ABR: variants seen among roughly 807,000 people sequenced by gnomAD.
ABR encodes ABR activator of RhoGEF and GTPase, also known as active breakpoint cluster region-related protein.
A neutral mutation model predicts 107.2 loss-of-function variants in ABR; 35 were observed. That is an observed-to-expected ratio of 0.33 (90% CI 0.25 to 0.43). The LOEUF (loss-of-function observed/expected upper bound fraction) is 0.43, where lower values mean the gene tolerates loss of function less well. ABR is among the 20% of genes least tolerant of loss of function. The pLI is 1.00. For synonymous variants in ABR, 498 were observed against 462.0 expected (o/e 1.08, Z -1.00); for missense variants, 815 against 1,115.2 (o/e 0.73, Z 3.83).
chr17:1,225,010 G>A (rs755433591), intron 1 of ABR, among the ~76,000 whole-genome samples: 5 of 151,886 alleles, frequency 3.3e-5, no homozygotes, highest in South Asian at 2.1e-4. Context: ...TTAGACAGGC[G>A]TGGTGGCGGG....
chr17:1,035,914 T>A (rs2073151969), intron 16 of ABR, among the ~76,000 whole-genome samples: 2 of 150,406 alleles, frequency 1.3e-5, no homozygotes, highest in African/African-American at 4.9e-5. Context: ...CGGGTTAAGG[T>A]GTTCAGTGGC....
chr17:1,125,563 C>A (rs2039562057), intron 1 of ABR, 196 bp from the exon 2 acceptor site: 1 of 408,070 alleles, frequency 2.5e-6, no homozygotes. Flanking sequence ...CCGGGCCCTG[C>A]CCGCTCCGGG....
chr17:1,174,892 G>A (rs2041865418), intron 1 of ABR, among the ~76,000 whole-genome samples: 1 of 152,102 alleles, frequency 6.6e-6, no homozygotes, highest in African/African-American at 2.4e-5. Context: ...CAACCTGCCT[G>A]GGGCACACGT....
At chr17:1,121,676 T>TC (rs1276336771) in intron 2 of ABR, among the ~76,000 whole-genome samples, 2 of 138,978 alleles carry the variant, frequency 1.4e-5, no homozygotes, top group African/African-American at 5.7e-5. Context: ...GGGAGCTGAG[T>TC]CCCCCAGGCA....
intron 16 of ABR, chr17:1,031,787 G>T (rs2072798218): frequency 8.2e-7 from 1 of 1,223,742 alleles, no homozygotes; most frequent in African/African-American, 1.6e-5. Context: ...CGCCTGTGGA[G>T]CGCTCAGTCC....
At chr17:1,135,386 T>TTC (rs2040017751) in intron 1 of ABR, among the ~76,000 whole-genome samples, 1 of 150,554 alleles carries the variant, frequency 6.6e-6, no homozygotes, top group South Asian at 2.1e-4. Flanking sequence ...TCTTTTTTTT[T>TTC]TTTTTTTGAG....
intron 21 of ABR, among the ~76,000 whole-genome samples, chr17:1,009,136 C>T (rs985698913): frequency 6.6e-6 from 1 of 152,126 alleles, no homozygotes; most frequent in Non-Finnish European, 1.5e-5. Context: ...GCACCTGCAT[C>T]AAGGCTTACA....
In ABR at chr17:1,010,914, G is replaced by A. The variant is rs201151167; in HGVS notation, c.2102-51C>T. On this transcript the variant is annotated intron_variant, in intron 19 of 22. Transcript: ENST00000302538. The surrounding 1 kb of genome is among the most constrained non-coding windows in gnomAD (Gnocchi z 4.1). ...CAGCCTTAGCTGGGCCAGCAGCCCC[G>A]TTCCACCCCCGACCCATCCTGACAC... 2.4e-5 allele frequency: 39 copies of A among 1,606,378 alleles called. No individual in the cohort carries two copies. The highest frequency in any genetic ancestry group is 1.2e-4 in the Admixed American group (7 of 59,902).
intron 1 of ABR, among the ~76,000 whole-genome samples, chr17:1,160,462 C>G (rs2041245322): frequency 6.6e-6 from 1 of 152,186 alleles, no homozygotes; most frequent in African/African-American, 2.4e-5. Flanking sequence ...TTCATGCAAC[C>G]AGCATTGACA....
At chr17:1,160,007 G>A (rs1157355119) in intron 1 of ABR, among the ~76,000 whole-genome samples, 1 of 152,162 alleles carries the variant, frequency 6.6e-6, no homozygotes, top group Non-Finnish European at 1.5e-5. Flanking sequence ...GTGCCTTCTG[G>A]AGGGAACAGG....
chr17:1,098,075 CTT>C (rs71372509), intron 3 of ABR, among the ~76,000 whole-genome samples: 49 of 140,584 alleles, frequency 3.5e-4, no homozygotes, highest in East Asian at 6.2e-4. Flanking sequence ...GTTTTCTTTT[CTT>C]TTTTTTTTTT....
chr17:1,152,814 C>T (rs2040853390), intron 1 of ABR, among the ~76,000 whole-genome samples: 1 of 151,530 alleles, frequency 6.6e-6, no homozygotes, highest in African/African-American at 2.4e-5. Context: ...CTGACACAGG[C>T]CGGGCGCGGT....
intron 21 of ABR, among the ~76,000 whole-genome samples, chr17:1,008,623 G>A (rs1273883089): frequency 1.3e-5 from 2 of 152,328 alleles, no homozygotes; most frequent in Non-Finnish European, 2.9e-5. Context: ...TTCATGATGG[G>A]AAAAACAAGA....
rs1395813958 is a variant in ABR, at chr17:1,050,119, A to G, written c.1722T>C (p.Tyr574=). 1.9e-6 allele frequency: 3 copies of G among 1,613,986 alleles called. No homozygotes were observed. The African/African-American group carries it at 4.0e-5, about 22-fold the overall frequency. ...TGTCCTTGTTGACCTTGGTCTTGTC[A>G]TAGCACTTCTCATAGCACAGGATCC... The part of the protein sequence containing the change: ...SLRILCYEKC[Y]DKTKVNKDNN... The change falls in exon 16 of 23, where the codon TAT becomes TAC. Residue 574 remains tyrosine, a synonymous_variant. Coordinates refer to ENST00000302538, the MANE Select transcript of ABR (RefSeq NM_021962.5). This position sits in a 1 kb window ranked among gnomAD's most constrained non-coding sequence, Gnocchi z 4.6.
intron 1 of ABR, among the ~76,000 whole-genome samples, chr17:1,126,752 C>A (rs2039621218): frequency 6.6e-6 from 1 of 152,194 alleles, no homozygotes; most frequent in South Asian, 2.1e-4. Context: ...CCCCCTGGCA[C>A]CTTAGTGAAT....
chr17:1,039,842 A>G (rs1232728187), intron 16 of ABR, among the ~76,000 whole-genome samples: 2 of 151,854 alleles, frequency 1.3e-5, no homozygotes, highest in Non-Finnish European at 2.9e-5. Context: ...CCTGACATGC[A>G]CTCCTGGCCT....
In ABR at chr17:1,072,695, G is replaced by A. The variant is rs746518355; in HGVS notation, c.813C>T (p.Leu271=). Residue 271 remains leucine (L), a synonymous_variant, in exon 8 of 23, where the codon CTC becomes CTT. Transcript: ENST00000302538. ...TGGACAGGAAGTTCTGGGAGATGCGGAGGGCATCCTGCAGCAGCGGGTAGT... is the reference window on the plus strand; with the variant it reads ...TGGACAGGAAGTTCTGGGAGATGCGAAGGGCATCCTGCAGCAGCGGGTAGT... The part of the protein sequence containing the change: ...HPDYPLLQDA[L]RISQNFLSSI... 1.7e-5 allele frequency: 27 copies of A among 1,613,692 alleles called. No individual in the cohort carries two copies. The highest frequency in any genetic ancestry group is 2.3e-5 in the Non-Finnish European group (27 of 1,179,888).
Position 1,179,860 on chromosome 17 carries a change from G to A in ABR, c.-133C>T. 1 of 933,216 alleles carries A rather than the reference G, an allele frequency of 1.1e-6. No individual in the cohort carries two copies. Among genetic ancestry groups the A allele is most frequent in the Non-Finnish European group, 1.5e-6 (1 of 682,846 alleles). 57.8% of individuals were successfully genotyped at this position (933,216 alleles called of 1,614,324 possible). A position where few individuals can be genotyped will look rare whatever the true frequency, so the allele number is the denominator to read the frequency against. ...GAGGAGGCCGGGAACCAGGTCCCCG[G>A]GAGGAGCGCGGGGCGGCCGGGGCAG... On this transcript the variant is annotated 5_prime_UTR_variant, in exon 1 of 23. Coordinates refer to ENST00000302538, the MANE Select transcript of ABR (RefSeq NM_021962.5). This position sits in a 1 kb window ranked among gnomAD's most constrained non-coding sequence, Gnocchi z 4.9.
At chr17:1,171,992 C>A (rs1159371709) in intron 1 of ABR, among the ~76,000 whole-genome samples, 1 of 152,202 alleles carries the variant, frequency 6.6e-6, no homozygotes, top group Non-Finnish European at 1.5e-5. Flanking sequence ...ACAGAGCCGA[C>A]CACATCTGGC....
Sources: allele counts gnomAD v4.1 joint callset (sites outside exome capture counted in the v4.1 genomes callset), GRCh38; gene constraint gnomAD v4.1.1; non-coding constraint Gnocchi (gnomAD v3.1); transcripts MANE v1.5; gene names NCBI Gene and HGNC (gene_info 2026-07-23, HGNC 2026-07-21).